TP63: variants seen among roughly 807,000 people sequenced by gnomAD.
TP63 encodes the protein tumor protein p63, also known as tumor protein 63.
In TP63, 17 loss-of-function variants were observed where a neutral mutation model predicts 82.8. That is an observed-to-expected ratio of 0.21 (90% CI 0.14 to 0.31). The LOEUF (loss-of-function observed/expected upper bound fraction) is 0.31. TP63 is among the 10% of genes least tolerant of loss of function. TP63 has a pLI of 1.00. For synonymous variants in TP63, 330 were observed against 321.7 expected, an observed-to-expected ratio of 1.03 and a Z score of -0.28; for missense variants, 648 against 895.3, an observed-to-expected ratio of 0.72 and a Z score of 3.52.
chr3:189,665,572 C>A (rs1714310222), intron 1 of TP63, among the ~76,000 whole-genome samples: 1 of 152,026 alleles, frequency 6.6e-6, no homozygotes, highest in Non-Finnish European at 1.5e-5. Flanking sequence ...ACCTAACATG[C>A]AGAGGATGGC....
chr3:189,691,461 G>A (rs1716926745), intron 1 of TP63, among the ~76,000 whole-genome samples: 1 of 151,762 alleles, frequency 6.6e-6, no homozygotes, highest in Non-Finnish European at 1.5e-5. Context: ...ATATTTTGTT[G>A]TGGGAAGTTG....
chr3:189,656,372 G>A (rs1041930663), intron 1 of TP63, among the ~76,000 whole-genome samples: 3 of 152,100 alleles, frequency 2.0e-5, no homozygotes, highest in African/African-American at 7.2e-5. Flanking sequence ...TACATAAATA[G>A]AGGAGGCAAA....
chr3:189,625,331 G>A, the TP63 span, among the ~76,000 whole-genome samples: 1 of 152,070 alleles, frequency 6.6e-6, no homozygotes, highest in African/African-American at 2.4e-5. Context: ...TGATATTTCT[G>A]CCAAAAGTGC....
At chr3:189,624,073 A>G in the TP63 span, among the ~76,000 whole-genome samples, 4 of 152,268 alleles carry the variant, frequency 2.6e-5, no homozygotes, top group South Asian at 8.3e-4. Context: ...TATTTTACTT[A>G]CCATTGATGT....
intron 4 of TP63, among the ~76,000 whole-genome samples, chr3:189,812,131 C>T (rs1447305748): frequency 6.6e-6 from 1 of 152,152 alleles, no homozygotes. Context: ...TTATCACTTG[C>T]AATCCTTTTA....
intron 4 of TP63, among the ~76,000 whole-genome samples, chr3:189,813,005 G>A (rs1341780773): frequency 6.6e-6 from 1 of 152,126 alleles, no homozygotes; most frequent in Non-Finnish European, 1.5e-5. Context: ...GCAGACTTCT[G>A]CAGGCTGGCT....
rs151335217 is a variant in TP63 at position 189,808,334 on chromosome 3, G to C, written c.387G>C (p.Ser129=). The change falls in exon 4 of 14, where the codon TCG becomes TCC. Residue 129 remains serine, a synonymous_variant. Transcript: ENST00000264731. ...ACCAGCAGATTCAGAACGGCTCCTC[G>C]TCCACCAGTCCCTATAACACAGACC... is the stretch of plus-strand genomic sequence containing the variant. ...SMDQQIQNGS[S]STSPYNTDHA... 3 of 1,614,040 alleles carry C rather than the reference G, an allele frequency of 1.9e-6. No individual in the cohort carries two copies. Among genetic ancestry groups the C allele is most frequent in the South Asian group, 1.1e-5 (1 of 91,086 alleles).
intron 1 of TP63, among the ~76,000 whole-genome samples, chr3:189,664,399 AG>A (rs1714195539): frequency 6.6e-6 from 1 of 152,170 alleles, no homozygotes; most frequent in African/African-American, 2.4e-5. Flanking sequence ...CTTTAAAGCT[AG>A]AGATGGTCGG....
Position 189,751,478 on chromosome 3 carries a change from T to C in TP63, c.324+12704T>C, listed in dbSNP as rs192170071. On this transcript the variant is annotated intron_variant, in intron 3 of 13. Transcript: ENST00000264731. ...CTATTTCTCCACATCCTCTCCAGCA[T>C]CTGTTGTTTCCTGACTTTTTAATGA... Among the ~76,000 whole-genome samples, 7 of 152,292 alleles carry C rather than the reference T, an allele frequency of 4.6e-5. No individual in the cohort carries two copies. The East Asian group carries it at 9.6e-4, about 21-fold the overall frequency.
the TP63 span, among the ~76,000 whole-genome samples, chr3:189,610,684 G>A: frequency 5.3e-5 from 8 of 152,216 alleles, no homozygotes; most frequent in Admixed American, 2.6e-4. Context: ...CCTGTTGCCC[G>A]GTTCCAAAGT....
intron 1 of TP63, among the ~76,000 whole-genome samples, chr3:189,693,731 T>C (rs2108726139): frequency 6.6e-6 from 1 of 152,222 alleles, no homozygotes; most frequent in Admixed American, 6.5e-5. Context: ...AATAAAACAA[T>C]CTGGACTTAG....
rs184547631 is a variant in TP63, at chr3:189,895,675, T to G, written c.*1173T>G. Reference sequence around the variant, plus strand: ...TTGTAAAAATCTTTTGAAGCATAGATAATATTGTTTGGTAAATGTTTCTTT... The same window carrying G: ...TTGTAAAAATCTTTTGAAGCATAGAGAATATTGTTTGGTAAATGTTTCTTT... On this transcript the variant is annotated 3_prime_UTR_variant, in exon 14 of 14. Coordinates refer to ENST00000264731, the MANE Select transcript of TP63 (RefSeq NM_003722.5). The G allele has an allele frequency of 4.4e-6, 1 of 228,138 alleles. No individual in the cohort carries two copies. The highest frequency in any genetic ancestry group is 8.7e-6 in the Non-Finnish European group (1 of 115,136). 14.1% of individuals were successfully genotyped at this position (228,138 alleles called of 1,614,324 possible).
At chr3:189,860,505 T>C (rs1239163430) in intron 4 of TP63, among the ~76,000 whole-genome samples, 1 of 151,986 alleles carries the variant, frequency 6.6e-6, no homozygotes, top group East Asian at 1.9e-4. Context: ...TTGCAAACAA[T>C]GAAGTAAACA....
At chr3:189,730,735 G>A (rs1467758149) in intron 1 of TP63, among the ~76,000 whole-genome samples, 1 of 152,140 alleles carries the variant, frequency 6.6e-6, no homozygotes, top group East Asian at 1.9e-4. Context: ...CTCCAGGCCT[G>A]CTCTATTGGA....
chr3:189,790,245 C>G (rs1263548258), intron 3 of TP63, among the ~76,000 whole-genome samples: 1 of 152,016 alleles, frequency 6.6e-6, no homozygotes, highest in Non-Finnish European at 1.5e-5. Flanking sequence ...TAGCATAGTT[C>G]TATTTCCAGA....
chr3:189,834,888 C>CTTTTTTTTTTTTTT (rs10641824), intron 4 of TP63, among the ~76,000 whole-genome samples: 1 of 138,750 alleles, frequency 7.2e-6, no homozygotes, highest in Non-Finnish European at 1.5e-5. Flanking sequence ...GGTTTTTTTC[C>CTTTTTTTTTTTTTT]TTTTTTTTTT....
chr3:189,880,337 G>T (rs35032687), intron 10 of TP63: 35,059 of 1,283,516 alleles, frequency 0.027, 609 homozygotes, highest in Middle Eastern at 0.041. Context: ...AAAGCCACTA[G>T]TGAGAGAATC....
chr3:189,686,635 G>A (rs1272893907), intron 1 of TP63, among the ~76,000 whole-genome samples: 2 of 145,106 alleles, frequency 1.4e-5, no homozygotes, highest in Non-Finnish European at 3.0e-5. Context: ...TTAAAAAAAT[G>A]ATAGCAAAGT....
At chr3:189,598,705 A>C in the TP63 span, among the ~76,000 whole-genome samples, 1 of 152,262 alleles carries the variant, frequency 6.6e-6, no homozygotes, top group Non-Finnish European at 1.5e-5. Flanking sequence ...GGACTAAACT[A>C]GAATTCCAGA....
Sources: gnomAD v4.1 joint callset for allele counts (sites outside exome capture counted in the v4.1 genomes callset) on GRCh38, gnomAD v4.1.1 for gene constraint, MANE v1.5 for transcripts, NCBI Gene and HGNC (gene_info 2026-07-23, HGNC 2026-07-21) for gene names.